Variants in METTL24 observed in about 807,000 individuals in gnomAD.
METTL24 encodes the protein probable methyltransferase-like protein 24.
Under a neutral mutation model 32.7 loss-of-function variants are expected in METTL24, and 29 were observed. That is an observed-to-expected ratio of 0.89 (90% CI 0.66 to 1.21). The LOEUF is 1.21. Ranked by LOEUF, METTL24 falls within the 50% of genes most tolerant of loss-of-function variation. The pLI, the probability that METTL24 is intolerant of heterozygous loss-of-function variation, is 0.00. For missense variants in METTL24, 439 were observed against 468.1 expected (o/e 0.94, Z 0.57); for synonymous variants, 163 against 179.5 (o/e 0.91, Z 0.73).
chr6:110,244,432 C>T lies in METTL24; in HGVS notation c.*1514G>A, dbSNP rs760025436. 7.2e-5 allele frequency among the ~76,000 whole-genome samples: 11 copies of T among 151,768 alleles called. No individual in the cohort carries two copies. Among genetic ancestry groups the T allele is most frequent in the East Asian group, 1.9e-4 (1 of 5,162 alleles). On this transcript the variant is annotated 3_prime_UTR_variant, in exon 5 of 5. Coordinates refer to ENST00000338882, the MANE Select transcript of METTL24 (RefSeq NM_001123364.3). ...TAAAAAGCAAGTGCTTTTTCAAATA[C>T]GTAAAATCTAAAAAGTGTAATACCC... is the stretch of plus-strand genomic sequence containing the variant.
chr6:110,290,075 C>A lies in METTL24; in HGVS notation c.786+8847G>T, dbSNP rs937496007. ...GGACTAAAGGTGTGTGTCACCACAC[C>A]TGGCTAATTTTTATATTTTTTGTAG... On this transcript the variant is annotated intron_variant, in intron 4 of 4. Transcript: ENST00000338882. 2.6e-5 allele frequency among the ~76,000 whole-genome samples: 4 copies of A among 152,144 alleles called. No homozygotes were observed. The East Asian group carries it at 5.8e-4, about 22-fold the overall frequency.
chr6:110,327,010 C>T (rs553178760), intron 1 of METTL24, among the ~76,000 whole-genome samples: 39 of 152,324 alleles, frequency 2.6e-4, no homozygotes, highest in African/African-American at 7.0e-4. Context: ...GGCATTTGTG[C>T]CACATGCCAG....
chr6:110,334,353 G>A (rs1262941071), intron 1 of METTL24, among the ~76,000 whole-genome samples: 2 of 152,144 alleles, frequency 1.3e-5, no homozygotes, highest in Non-Finnish European at 2.9e-5. Flanking sequence ...CATGGACCGT[G>A]GCAGAAATAA....
At chr6:110,296,598 A>AT (rs1302030433) in intron 4 of METTL24, among the ~76,000 whole-genome samples, 2 of 152,126 alleles carry the variant, frequency 1.3e-5, no homozygotes, top group Non-Finnish European at 2.9e-5. Flanking sequence ...TTTTGCCCAT[A>AT]TTTTTTCTTG....
intron 4 of METTL24, among the ~76,000 whole-genome samples, chr6:110,247,694 G>A (rs780632628): frequency 2.0e-5 from 3 of 152,182 alleles, no homozygotes; most frequent in Non-Finnish European, 4.4e-5. Flanking sequence ...GCTGCTGACT[G>A]AAGTCATGAA....
chr6:110,271,894 C>A (rs887071636), intron 4 of METTL24, among the ~76,000 whole-genome samples: 7 of 152,090 alleles, frequency 4.6e-5, no homozygotes, highest in African/African-American at 1.7e-4. Context: ...TAGACAAAAA[C>A]CCAGTTCAAA....
chr6:110,262,612 AT>A (rs1770757209), intron 4 of METTL24, among the ~76,000 whole-genome samples: 1 of 152,210 alleles, frequency 6.6e-6, no homozygotes, highest in South Asian at 2.1e-4. Context: ...TCCCTAACTC[AT>A]TTTATGAGGC....
chr6:110,274,700 C>T (rs920489888), intron 4 of METTL24, among the ~76,000 whole-genome samples: 2 of 147,382 alleles, frequency 1.4e-5, no homozygotes, highest in African/African-American at 5.0e-5. Flanking sequence ...TGTAAAAATA[C>T]AACTAAGGCA....
chr6:110,321,326 T>C (rs750348996), intron 2 of METTL24, among the ~76,000 whole-genome samples: 2 of 152,204 alleles, frequency 1.3e-5, no homozygotes, highest in Non-Finnish European at 2.9e-5. Context: ...AAATGACCAT[T>C]TCATGCCTCA....
intron 3 of METTL24, among the ~76,000 whole-genome samples, chr6:110,311,191 C>T (rs1002898940): frequency 4.6e-5 from 7 of 152,124 alleles, no homozygotes; most frequent in South Asian, 2.1e-4. Context: ...GTGTTGTCAG[C>T]CAGCTATCTA....
At chr6:110,350,891 T>G (rs1379825003) in intron 1 of METTL24, among the ~76,000 whole-genome samples, 2 of 152,104 alleles carry the variant, frequency 1.3e-5, no homozygotes, top group Non-Finnish European at 2.9e-5. Context: ...GGCAGATCAC[T>G]AGGTCAGGAG....
Position 110,277,935 on chromosome 6 carries a change from A to T in METTL24, c.786+20987T>A, listed in dbSNP as rs1771074743. 2.6e-5 allele frequency among the ~76,000 whole-genome samples: 4 copies of T among 152,312 alleles called. No individual in the cohort carries two copies. In the South Asian group the frequency reaches 8.3e-4, roughly 32 times the overall value. On this transcript the variant is annotated intron_variant, in intron 4 of 4. Transcript: ENST00000338882. ...ACGGAATGTGTAAGAAGCAAAAAGA[A>T]GGGTGTTTGGCATTCTTCACATGAT... is the stretch of plus-strand genomic sequence containing the variant.
intron 4 of METTL24, among the ~76,000 whole-genome samples, chr6:110,285,981 G>GCCA (rs538030866): frequency 1.3e-3 from 192 of 152,272 alleles, no homozygotes; most frequent in African/African-American, 4.3e-3. Context: ...TCTCAAAGAA[G>GCCA]CCATAGTCAG....
intron 1 of METTL24, among the ~76,000 whole-genome samples, chr6:110,352,197 T>C (rs1407205731): frequency 6.6e-6 from 1 of 152,192 alleles, no homozygotes; most frequent in South Asian, 2.1e-4. Context: ...AACCGAGTAG[T>C]CATGTGCCAT....
chr6:110,334,014 A>G (rs1013390789), intron 1 of METTL24, among the ~76,000 whole-genome samples: 2 of 151,610 alleles, frequency 1.3e-5, no homozygotes, highest in African/African-American at 4.9e-5. Flanking sequence ...ATTTTAGAGT[A>G]GTGTTCTCTA....
intron 3 of METTL24, among the ~76,000 whole-genome samples, chr6:110,313,155 G>T (rs978908819): frequency 6.6e-6 from 1 of 152,176 alleles, no homozygotes; most frequent in East Asian, 1.9e-4. Context: ...TCTAATATTC[G>T]AAAGCAGAGT....
At chr6:110,253,972 C>A (rs1778333216) in intron 4 of METTL24, 4 of 1,374,394 alleles carry the variant, frequency 2.9e-6, no homozygotes, top group South Asian at 2.0e-5. Flanking sequence ...AAGGTCCAGA[C>A]CTCAACTCAA....
intron 1 of METTL24, among the ~76,000 whole-genome samples, chr6:110,337,482 T>C (rs1772260694): frequency 6.6e-6 from 1 of 152,190 alleles, no homozygotes; most frequent in African/African-American, 2.4e-5. Context: ...TCATTATGAA[T>C]GTACCCCTAC....
At chr6:110,327,321 T>C (rs778583248) in intron 1 of METTL24, among the ~76,000 whole-genome samples, 24 of 152,234 alleles carry the variant, frequency 1.6e-4, no homozygotes, top group Non-Finnish European at 3.1e-4. Context: ...GATCAATAAT[T>C]TAGAATCCAT....
Sources: allele counts gnomAD v4.1 joint callset (sites outside exome capture counted in the v4.1 genomes callset), GRCh38; gene constraint gnomAD v4.1.1; transcripts MANE v1.5; gene names NCBI Gene and HGNC (gene_info 2026-07-23, HGNC 2026-07-21).